ANKRD23: variants seen among roughly 807,000 people sequenced by gnomAD.
ANKRD23 encodes the protein ankyrin repeat domain-containing protein 23.
A neutral mutation model predicts 38.1 loss-of-function variants in ANKRD23; 52 were observed. The ratio of observed to expected loss-of-function variants is 1.36; its 90% CI spans 1.09 to 1.72. The LOEUF is 1.72. Ranked by LOEUF, ANKRD23 falls within the 40% of genes most tolerant of loss-of-function variation. The probability of loss-of-function intolerance (pLI) is 0.00; values close to 1 mark genes in which losing one functional copy is unlikely to be tolerated. For missense variants in ANKRD23, 416 were observed against 400.2 expected, an observed-to-expected ratio of 1.04 and a Z score of -0.34; for synonymous variants, 167 against 162.9, an observed-to-expected ratio of 1.03 and a Z score of -0.19.
intron 4 of ANKRD23, 72 bp from the exon 5 acceptor site, chr2:96,840,586 C>T (rs895779373): frequency 5.8e-6 from 9 of 1,561,478 alleles, no homozygotes; most frequent in African/African-American, 2.7e-5. Context: ...GTCCCCTTCC[C>T]AGGGCCAGGT....
In ANKRD23 at chr2:96,840,259, C is replaced by G; in HGVS notation, c.597G>C (p.Gln199His). 6.2e-7 allele frequency: 1 copy of G among 1,611,664 alleles called. No individual in the cohort carries two copies. The highest frequency in any genetic ancestry group is 8.5e-7 in the Non-Finnish European group (1 of 1,178,854). ...HLVILKQLLN[Q>H]GARVNARDKI... ...TGTCCCGGGCATTGACCCGGGCTCCCTGGTTAAGCAGCTGTTTGAGGATGA... is the reference window on the plus strand; with the variant it reads ...TGTCCCGGGCATTGACCCGGGCTCCGTGGTTAAGCAGCTGTTTGAGGATGA... Residue 199 changes from glutamine to histidine, a missense_variant, in exon 6 of 9, where the codon CAG becomes CAC. Coordinates refer to ENST00000318357, the MANE Select transcript of ANKRD23 (RefSeq NM_144994.8).
In ANKRD23 at chr2:96,841,598, CAAAAA is replaced by C. The variant is rs564581027; in HGVS notation, c.300+457_300+461del. On this transcript the variant is annotated intron_variant, in intron 3 of 8. Coordinates refer to ENST00000318357, the MANE Select transcript of ANKRD23 (RefSeq NM_144994.8). ...TGGGCAACAGAGCGAGACTCCGTCTCAAAAAAAAAAAAAAAAAAAAAAAAAAAGTT... is the reference window on the plus strand; with the variant it reads ...TGGGCAACAGAGCGAGACTCCGTCTCAAAAAAAAAAAAAAAAAAAAAAGTT... Among the ~76,000 whole-genome samples, 16 of 36,104 alleles carry C rather than the reference CAAAAA, an allele frequency of 4.4e-4. 1 individual carries two copies. Among genetic ancestry groups the C allele is most frequent in the South Asian group, 3.8e-3 (3 of 794 alleles). 23.7% of individuals were successfully genotyped at this position (36,104 alleles called of 152,430 possible).
Position 96,840,502 on chromosome 2 carries a change from C to T in ANKRD23, c.439G>A (p.Ala147Thr), listed in dbSNP as rs370284092. The change falls in exon 5 of 9, where the codon GCC (alanine) becomes ACC (threonine). Residue 147 changes from alanine to threonine, a missense_variant. Ala to Thr is a moderately conservative substitution (Grantham distance 58, BLOSUM62 0). Transcript: ENST00000318357. ...CCCTTCAGACAGGCCCAGTGCAAGG[C>T]GGTGCGGTGGAGCTGAGGGCAGAGA... ...PNAHDKLHRT[A>T]LHWACLKGHS... is the part of the protein sequence containing the mutation. The T allele has an allele frequency of 3.8e-5, 61 of 1,613,738 alleles. No individual in the cohort carries two copies. Among genetic ancestry groups the T allele is most frequent in the Non-Finnish European group, 4.9e-5 (58 of 1,180,020 alleles).
rs2079727579 is a variant in ANKRD23, at chr2:96,839,161, A to G, written c.*388T>C. The G allele has an allele frequency of 9.9e-7, 1 of 1,014,052 alleles. No homozygotes were observed. The highest frequency in any genetic ancestry group is 1.2e-6 in the Non-Finnish European group (1 of 849,378). The allele number at this position is 1,014,052 out of a possible 1,614,324, so 62.8% of individuals were successfully genotyped here. ...CTGGAGAGAGCAAGGCAAGCCCCCT[A>G]ACCTGGGACAAGTGGACACTGAGGA... On this transcript the variant is annotated 3_prime_UTR_variant, in exon 9 of 9. Coordinates refer to ENST00000318357, the MANE Select transcript of ANKRD23 (RefSeq NM_144994.8).
In ANKRD23 at chr2:96,844,017, C is replaced by G. The variant is rs1258866088; in HGVS notation, c.-25G>C. ...TGGTCCCCCCTGTTCCTCACACCCC[C>G]CAGTGAGAAGAGCTGAACTGCTCAG... On this transcript the variant is annotated 5_prime_UTR_variant, in exon 1 of 9. Coordinates refer to ENST00000318357, the MANE Select transcript of ANKRD23 (RefSeq NM_144994.8). 5 of 1,589,944 alleles carry G rather than the reference C, an allele frequency of 3.1e-6. No individual in the cohort carries two copies. The highest frequency in any genetic ancestry group is 1.4e-5 in the African/African-American group (1 of 73,572).
chr2:96,838,876 G>T lies in ANKRD23; in HGVS notation c.*673C>A, dbSNP rs2079723840. 1 of 985,470 alleles carries T rather than the reference G, an allele frequency of 1.0e-6. No individual in the cohort carries two copies. 61.0% of individuals were successfully genotyped at this position (985,470 alleles called of 1,614,324 possible). The stretch of plus-strand genomic sequence containing the variant: ...GGTCCTGGACTTCTGTTGCTGTGGG[G>T]CCTCAAACCTGTTGAGTAGCCACCT... On this transcript the variant is annotated 3_prime_UTR_variant, in exon 9 of 9. Coordinates refer to ENST00000318357, the MANE Select transcript of ANKRD23 (RefSeq NM_144994.8).
rs1252227157 is a variant in ANKRD23 at position 96,839,836 on chromosome 2, C to G, written c.724-11G>C. 1.2e-6 allele frequency: 2 copies of G among 1,609,790 alleles called. No individual in the cohort carries two copies. The highest frequency in any genetic ancestry group is 2.7e-5 in the African/African-American group (2 of 74,858). ...AGCCGTGTCCCCTTCCTGCTGAGAA[C>G]GCAGGCAGTCAAGCTTCTGCCTCCG... On this transcript the variant is annotated splice_polypyrimidine_tract_variant and intron_variant, in intron 7 of 8. Transcript: ENST00000318357.
chr2:96,842,417 T>C lies in ANKRD23; in HGVS notation c.122A>G (p.Gln41Arg). Residue 41 changes from glutamine to arginine, a missense_variant, in exon 2 of 9, where the codon CAA (glutamine) becomes CGA (arginine). Transcript: ENST00000318357. ...CAGCTTCTCCCGGGCCACAGCCTCT[T>C]GGGGGCCCCTCCTCCAGTCACTAGG... ...AWPSDWRRGP[Q>R]EAVAREKLKL... 6.2e-7 allele frequency: 1 copy of C among 1,613,182 alleles called. No individual in the cohort carries two copies. The highest frequency in any genetic ancestry group is 8.5e-7 in the Non-Finnish European group (1 of 1,179,842).
Position 96,841,945 on chromosome 2 carries a change from C to A in ANKRD23, c.300+115G>T. ...GGGGCTCTGGAGTGGATTTAATGGG[C>A]TCCCCAGGCACTGGCTGTGTGGTCC... On this transcript the variant is annotated intron_variant, in intron 3 of 8. Coordinates refer to ENST00000318357, the MANE Select transcript of ANKRD23 (RefSeq NM_144994.8). 5.4e-6 allele frequency: 8 copies of A among 1,472,192 alleles called. 1 individual carries two copies. In the South Asian group the frequency reaches 8.8e-5, roughly 16 times the overall value. 91.2% of individuals were successfully genotyped at this position (1,472,192 alleles called of 1,614,324 possible).
chr2:96,840,145 T>G (rs2079742797), intron 6 of ANKRD23, 50 bp from the exon 7 acceptor site: 1 of 1,552,068 alleles, frequency 6.4e-7, no homozygotes, highest in Non-Finnish European at 8.7e-7. Context: ...GAGGCCTCCC[T>G]AACCCATGGG....
Position 96,839,789 on chromosome 2 carries a change from CG to C in ANKRD23, c.759del (p.His253GlnfsTer7). On this transcript the variant is annotated frameshift_variant, in exon 8 of 9. Transcript: ENST00000318357. LOFTEE classifies it high-confidence loss of function. ...AGTAGCTTCATGGCTTTGTAGCTGC[CG>C]TGCCGCACGGCCTCGTGCAGAGCCG... ...GDTALHEAVR[H>X]GSYKAMKLLL... 6.2e-7 allele frequency: 1 copy of C among 1,613,342 alleles called. No individual in the cohort carries two copies. Among genetic ancestry groups the C allele is most frequent in the Non-Finnish European group, 8.5e-7 (1 of 1,179,934 alleles).
chr2:96,838,865 G>C lies in ANKRD23; in HGVS notation c.*684C>G, dbSNP rs1359513759. 1.0e-6 allele frequency: 1 copy of C among 985,494 alleles called. No homozygotes were observed. The highest frequency in any genetic ancestry group is 1.2e-6 in the Non-Finnish European group (1 of 829,978). 61.0% of individuals were successfully genotyped at this position (985,494 alleles called of 1,614,324 possible). ...GCAACCTAGTGGGTCCTGGACTTCT[G>C]TTGCTGTGGGGCCTCAAACCTGTTG... On this transcript the variant is annotated 3_prime_UTR_variant, in exon 9 of 9. Coordinates refer to ENST00000318357, the MANE Select transcript of ANKRD23 (RefSeq NM_144994.8).
At chr2:96,842,229 A>G (rs2079769729) in intron 2 of ANKRD23, 44 bp from the exon 3 acceptor site, 5 of 1,612,674 alleles carry the variant, frequency 3.1e-6, no homozygotes, top group Non-Finnish European at 4.2e-6. Context: ...GCCGCTGGTC[A>G]AGAGATCTCT....
At position 96,839,070 on chromosome 2, in the gene ANKRD23, G is replaced by C. The variant is rs971445173; in HGVS notation, c.*479C>G. ...GGCCCCTGCATGGCCTGCCTTGGCT[G>C]CACCTTGTACATCCTGGATGGCATC... On this transcript the variant is annotated 3_prime_UTR_variant, in exon 9 of 9. Coordinates refer to ENST00000318357, the MANE Select transcript of ANKRD23 (RefSeq NM_144994.8). 5 of 987,346 alleles carry C rather than the reference G, an allele frequency of 5.1e-6. No homozygotes were observed. Among genetic ancestry groups the C allele is most frequent in the Non-Finnish European group, 6.0e-6 (5 of 831,344 alleles). The allele number at this position is 987,346 out of a possible 1,614,324, so 61.2% of individuals were successfully genotyped here.
intron 7 of ANKRD23, 26 bp downstream of exon 7, chr2:96,839,971 C>A: frequency 6.4e-7 from 1 of 1,551,700 alleles, no homozygotes; most frequent in Non-Finnish European, 8.7e-7. Flanking sequence ...CTGTCCGAGC[C>A]GGAAAAGACC....
At chr2:96,843,848 T>TC in intron 1 of ANKRD23, 118 bp downstream of exon 1, 1 of 961,284 alleles carries the variant, frequency 1.0e-6, no homozygotes, top group South Asian at 1.7e-5. Flanking sequence ...ACTGCATGCT[T>TC]CCCTGCACCT....
chr2:96,840,915 G>A lies in ANKRD23; in HGVS notation c.301-3C>T, dbSNP rs1186602570. On this transcript the variant is annotated splice_polypyrimidine_tract_variant and splice_region_variant and intron_variant, in intron 3 of 8. Coordinates refer to ENST00000318357, the MANE Select transcript of ANKRD23 (RefSeq NM_144994.8). ...TCCACCTGGGCCTGGGACTGCGGCT[G>A]GTTCAGTTGAAGACAAGACCAAATC... 4 of 1,613,494 alleles carry A rather than the reference G, an allele frequency of 2.5e-6. No homozygotes were observed. Among genetic ancestry groups the A allele is most frequent in the Admixed American group, 3.3e-5 (2 of 59,862 alleles).
intron 8 of ANKRD23, 28 bp downstream of exon 8, chr2:96,839,699 C>T: frequency 6.2e-7 from 1 of 1,606,158 alleles, no homozygotes; most frequent in Non-Finnish European, 8.5e-7. Context: ...GCCCTCGGGT[C>T]AGGAGCCAGG....
chr2:96,839,484 G>A lies in ANKRD23; in HGVS notation c.*65C>T, dbSNP rs574357466. ...GGGCAGGAACCACAGAGGTGCAGACGCGGGGGCGGGGCACAGGATGGAATG... is the reference window on the plus strand; with the variant it reads ...GGGCAGGAACCACAGAGGTGCAGACACGGGGGCGGGGCACAGGATGGAATG... On this transcript the variant is annotated 3_prime_UTR_variant, in exon 9 of 9. Coordinates refer to ENST00000318357, the MANE Select transcript of ANKRD23 (RefSeq NM_144994.8). 257 of 1,395,518 alleles carry A rather than the reference G, an allele frequency of 1.8e-4. 4 individuals carry two copies. In the South Asian group the frequency reaches 3.7e-3, roughly 20 times the overall value. The allele number at this position is 1,395,518 out of a possible 1,614,324, so 86.4% of individuals were successfully genotyped here. A position where few individuals can be genotyped will look rare whatever the true frequency, so the allele number is the denominator to read the frequency against.
Sources: gnomAD v4.1 joint callset for allele counts (sites outside exome capture counted in the v4.1 genomes callset) on GRCh38, gnomAD v4.1.1 for gene constraint, MANE v1.5 for transcripts, NCBI Gene and HGNC (gene_info 2026-07-23, HGNC 2026-07-21) for gene names.